Variants in EDNRA observed in about 807,000 individuals in gnomAD.
The protein encoded by EDNRA is endothelin-1 receptor.
In EDNRA, 11 loss-of-function variants were observed where a neutral mutation model predicts 41.4. The ratio of observed to expected loss-of-function variants is 0.27; its 90% confidence interval spans 0.17 to 0.44. The LOEUF is 0.44. EDNRA is among the 20% of genes least tolerant of loss of function. The pLI is 1.00. For missense variants in EDNRA, 294 were observed against 531.0 expected (o/e 0.55, Z 4.39); for synonymous variants, 172 against 183.0 (o/e 0.94, Z 0.49).
rs1728922045 is a variant in EDNRA at position 147,485,768 on chromosome 4, T to C, written c.87T>C (p.Asn29=). The change falls in exon 2 of 8, where the codon AAT becomes AAC. Residue 29 remains asparagine, a synonymous_variant. Coordinates refer to ENST00000651419, the MANE Select transcript of EDNRA (RefSeq NM_001957.4). ...ATAATCCTGAGAGATACAGCACAAA[T>C]CTAAGCAATCATGTGGATGATTTCA... ...ISDNPERYST[N]LSNHVDDFTT... is the part of the protein sequence containing the mutation. 2.5e-6 allele frequency: 4 copies of C among 1,614,204 alleles called. No homozygotes were observed. The East Asian group carries it at 8.9e-5, about 36-fold the overall frequency.
chr4:147,518,192 G>A (rs1165696103), intron 2 of EDNRA, among the ~76,000 whole-genome samples: 2 of 152,090 alleles, frequency 1.3e-5, no homozygotes, highest in Non-Finnish European at 2.9e-5. Flanking sequence ...TAGTTTTCAG[G>A]TTTTCTTGTT....
At chr4:147,484,741 T>C (rs979336725) in intron 1 of EDNRA, among the ~76,000 whole-genome samples, 4 of 152,192 alleles carry the variant, frequency 2.6e-5, no homozygotes, top group African/African-American at 9.7e-5. Context: ...CATCGGCAAA[T>C]ACCGTATTGT....
chr4:147,481,884 T>C (rs1728773145), intron 1 of EDNRA, among the ~76,000 whole-genome samples: 1 of 152,218 alleles, frequency 6.6e-6, no homozygotes, highest in African/African-American at 2.4e-5. Context: ...ACCCCCTGTG[T>C]AGCTAGTTTT....
chr4:147,496,113 C>A (rs188648587), intron 2 of EDNRA: 1 of 152,110 alleles, frequency 6.6e-6, no homozygotes, highest in African/African-American at 2.4e-5. Flanking sequence ...AATGGATACA[C>A]GTTTCTTAAC....
chr4:147,505,327 A>ATTTTTT (rs869077171), intron 2 of EDNRA, among the ~76,000 whole-genome samples: 3,088 of 79,578 alleles, frequency 0.039, 337 homozygotes, highest in African/African-American at 0.056. Context: ...TTCTTTTTTC[A>ATTTTTT]TTTTTTTTTT....
At chr4:147,514,273 C>G (rs1730022403) in intron 2 of EDNRA, among the ~76,000 whole-genome samples, 1 of 152,084 alleles carries the variant, frequency 6.6e-6, no homozygotes, top group South Asian at 2.1e-4. Context: ...GAACCTAAAT[C>G]TTATAGGTTC....
chr4:147,532,337 A>C (rs1309669432), intron 3 of EDNRA, among the ~76,000 whole-genome samples, 169 bp from the exon 4 acceptor site: 3 of 150,676 alleles, frequency 2.0e-5, no homozygotes, highest in Non-Finnish European at 4.4e-5. Flanking sequence ...AAAAAAAAAA[A>C]AAAAAAAAAA....
chr4:147,539,921 G>A lies in EDNRA; in HGVS notation c.1005G>A (p.Glu335=), dbSNP rs5334. The change falls in exon 6 of 8, where the codon GAG becomes GAA. Residue 335 remains glutamate, a synonymous_variant. Transcript: ENST00000651419. ...TATTGAAGAAAACTGTGTATAACGA[G>A]ATGGACAAGAACCGATGTGAATTAC... ...SRILKKTVYN[E]MDKNRCELLS... 435,268 of 1,608,528 alleles carry A rather than the reference G, an allele frequency of 0.27. 64,432 individuals carry two copies. The highest frequency in any genetic ancestry group is 0.58 in the African/African-American group (42,832 of 74,432).
At chr4:147,506,048 A>T in intron 2 of EDNRA, 1 of 471,166 alleles carries the variant, frequency 2.1e-6, no homozygotes, top group South Asian at 1.6e-5. Context: ...TCATGCAAAA[A>T]CCTGTACATT....
chr4:147,539,336 C>G (rs1417501201), intron 5 of EDNRA, among the ~76,000 whole-genome samples: 1 of 151,952 alleles, frequency 6.6e-6, no homozygotes, highest in East Asian at 1.9e-4. Flanking sequence ...GTTGATTTGT[C>G]CATGCAATAT....
At position 147,536,349 on chromosome 4, in the gene EDNRA, A is replaced by G. The variant is rs1164235002; in HGVS notation, c.900+320A>G. 3.9e-5 allele frequency among the ~76,000 whole-genome samples: 6 copies of G among 152,206 alleles called. No homozygotes were observed. The East Asian group carries it at 7.7e-4, about 20-fold the overall frequency. On this transcript the variant is annotated intron_variant, in intron 5 of 7. Coordinates refer to ENST00000651419, the MANE Select transcript of EDNRA (RefSeq NM_001957.4). ...AAACTGTACCAGGACACAAAAAAGC[A>G]TGTAACTTTCTCCCCATGCAGATTT...
chr4:147,520,380 A>G (rs762381313), intron 3 of EDNRA: 1 of 518,862 alleles, frequency 1.9e-6, no homozygotes, highest in South Asian at 1.4e-5. Flanking sequence ...GTGAGAGGTA[A>G]GTGCACCATA....
Position 147,527,025 on chromosome 4 carries a change from C to T in EDNRA, c.549-5481C>T, listed in dbSNP as rs532920814. Among the ~76,000 whole-genome samples the T allele has an allele frequency of 4.6e-5, 7 of 152,294 alleles. No homozygotes were observed. In the South Asian group the frequency reaches 1.5e-3, roughly 32 times the overall value. ...ATGAGAGATATAAATCATTAACAAC[C>T]ATTACAAATGATCAAGTTTGCTGTT... is the stretch of plus-strand genomic sequence containing the variant. On this transcript the variant is annotated intron_variant, in intron 3 of 7. Coordinates refer to ENST00000651419, the MANE Select transcript of EDNRA (RefSeq NM_001957.4).
chr4:147,485,477 G>A lies in EDNRA; in HGVS notation c.-70-135G>A, dbSNP rs536259155. On this transcript the variant is annotated intron_variant, in intron 1 of 7. Coordinates refer to ENST00000651419, the MANE Select transcript of EDNRA (RefSeq NM_001957.4). Reference sequence around the variant, plus strand: ...TTTTCTGGTTTTGCTCTGTCATAGGGTAACCTGATATACATATATCTTATC... The same window carrying A: ...TTTTCTGGTTTTGCTCTGTCATAGGATAACCTGATATACATATATCTTATC... The A allele has an allele frequency of 7.6e-6, 5 of 659,596 alleles. No individual in the cohort carries two copies. The East Asian group carries it at 8.4e-5, about 11-fold the overall frequency. The allele number at this position is 659,596 out of a possible 1,614,324, so 40.9% of individuals were successfully genotyped here.
intron 2 of EDNRA, chr4:147,492,438 A>G (rs990023628): frequency 1.3e-5 from 2 of 152,206 alleles, no homozygotes; most frequent in Middle Eastern, 3.2e-3. Context: ...CTCAGGGTCC[A>G]TAAATCTGTG....
chr4:147,487,921 C>T (rs568554986), intron 2 of EDNRA: 29 of 152,272 alleles, frequency 1.9e-4, no homozygotes, highest in African/African-American at 7.0e-4. Context: ...TAACTTTAAT[C>T]TTTTCTTTTA....
intron 2 of EDNRA, among the ~76,000 whole-genome samples, chr4:147,515,587 G>A (rs1730087559): frequency 6.6e-6 from 1 of 152,096 alleles, no homozygotes; most frequent in Non-Finnish European, 1.5e-5. Context: ...GGTGTAGAGT[G>A]AGAATCAGTC....
chr4:147,506,663 G>C, intron 2 of EDNRA: 1 of 317,062 alleles, frequency 3.2e-6, no homozygotes. Context: ...ATACCTGAGG[G>C]AACTCTTAAA....
chr4:147,495,011 A>T (rs541186805), intron 2 of EDNRA: 1 of 152,296 alleles, frequency 6.6e-6, no homozygotes, highest in Admixed American at 6.5e-5. Context: ...CAATCTTAAA[A>T]TATGTTATAT....
Sources: gnomAD v4.1 joint callset for allele counts (sites outside exome capture counted in the v4.1 genomes callset) on GRCh38, gnomAD v4.1.1 for gene constraint, MANE v1.5 for transcripts, NCBI Gene and HGNC (gene_info 2026-07-23, HGNC 2026-07-21) for gene names.